TPRG1: variants seen among roughly 807,000 people sequenced by gnomAD.
TPRG1 encodes the protein tumor protein p63 regulated 1.
In TPRG1, 29 loss-of-function variants were observed where a neutral mutation model predicts 29.3. The ratio of observed to expected loss-of-function variants is 0.99; its 90% confidence interval spans 0.74 to 1.35. The LOEUF is 1.35. TPRG1 is among the 40% of genes most tolerant of loss of function. TPRG1 has a pLI of 0.00. For missense variants in TPRG1, 327 were observed against 335.0 expected (o/e 0.98, Z 0.19); for synonymous variants, 130 against 116.8 (o/e 1.11, Z -0.73).
At chr3:189,178,838 A>G (rs1729840103) in intron 1 of TPRG1, among the ~76,000 whole-genome samples, 1 of 152,222 alleles carries the variant, frequency 6.6e-6, no homozygotes, top group African/African-American at 2.4e-5. Context: ...CATTTTATAA[A>G]TCTCAGGAAA....
intron 4 of TPRG1, among the ~76,000 whole-genome samples, chr3:189,088,915 A>C (rs75298782): frequency 0.024 from 3,610 of 152,250 alleles, 59 homozygotes; most frequent in Non-Finnish European, 0.035. Flanking sequence ...TCCAAGCCCT[A>C]ATGCTCTTCC....
chr3:189,254,286 C>A (rs1185023721), intron 4 of TPRG1, among the ~76,000 whole-genome samples: 1 of 152,096 alleles, frequency 6.6e-6, no homozygotes, highest in Non-Finnish European at 1.5e-5. Context: ...GAATCCTTTC[C>A]CCATTGCTTG....
intron 4 of TPRG1, among the ~76,000 whole-genome samples, chr3:189,041,510 T>C (rs1438460509): frequency 6.6e-6 from 1 of 152,128 alleles, no homozygotes; most frequent in Non-Finnish European, 1.5e-5. Context: ...GCACTCAATG[T>C]GTGGGAGATA....
intron 4 of TPRG1, among the ~76,000 whole-genome samples, chr3:189,034,182 A>G (rs1714116936): frequency 6.6e-6 from 1 of 152,200 alleles, no homozygotes; most frequent in Admixed American, 6.5e-5. Flanking sequence ...AGTTTTGTAA[A>G]TGGAAACACA....
intron 4 of TPRG1, among the ~76,000 whole-genome samples, chr3:189,309,148 C>A (rs1269496076): frequency 1.4e-5 from 2 of 146,348 alleles, no homozygotes; most frequent in Admixed American, 7.0e-5. Flanking sequence ...CAAATATAAT[C>A]ATCAAAAATC....
intron 5 of TPRG1, among the ~76,000 whole-genome samples, chr3:189,312,291 T>C (rs1047977726): frequency 1.3e-5 from 2 of 151,050 alleles, no homozygotes; most frequent in Admixed American, 1.3e-4. Context: ...AAGCTCCGCC[T>C]CCCGGGTTCA....
Position 189,256,002 on chromosome 3 carries a change from C to G in TPRG1, c.479+17093C>G, listed in dbSNP as rs150580335. Among the ~76,000 whole-genome samples, 413 of 151,914 alleles carry G rather than the reference C, an allele frequency of 2.7e-3. 4 individuals carry two copies. The highest frequency in any genetic ancestry group is 0.017 in the Middle Eastern group (5 of 292). On this transcript the variant is annotated intron_variant, in intron 4 of 5. Coordinates refer to ENST00000345063, the MANE Select transcript of TPRG1 (RefSeq NM_198485.4). ...TGATGTTTTAAAGGGTTTTTTGTGT[C>G]TCTATCTCCTTCAGTTCTGCTCTGA...
At chr3:189,024,392 C>A (rs1322180118) in intron 4 of TPRG1, among the ~76,000 whole-genome samples, 1 of 152,060 alleles carries the variant, frequency 6.6e-6, no homozygotes, top group East Asian at 1.9e-4. Context: ...AAGGTAGTAG[C>A]CTGCCCCTCT....
At chr3:189,164,968 A>T (rs1009508786) in intron 5 of TPRG1, among the ~76,000 whole-genome samples, 2 of 152,074 alleles carry the variant, frequency 1.3e-5, no homozygotes, top group Non-Finnish European at 2.9e-5. Context: ...TCCTTCACAA[A>T]AACCTCCACG....
intron 1 of TPRG1, among the ~76,000 whole-genome samples, chr3:189,195,102 G>T (rs79141662): frequency 9.5e-4 from 145 of 152,188 alleles, no homozygotes; most frequent in Non-Finnish European, 1.5e-3. Context: ...GATTCCCTAG[G>T]GGGTGATATG....
At chr3:189,133,606 C>A (rs1325454997) in intron 3 of TPRG1, among the ~76,000 whole-genome samples, 1 of 152,162 alleles carries the variant, frequency 6.6e-6, no homozygotes. Context: ...TCTCCTCTGC[C>A]ATGATTGTGA....
At chr3:189,048,401 G>A (rs1715103146) in intron 4 of TPRG1, among the ~76,000 whole-genome samples, 1 of 152,182 alleles carries the variant, frequency 6.6e-6, no homozygotes, top group African/African-American at 2.4e-5. Context: ...CACAGTCTGA[G>A]TAGATTTATC....
At chr3:189,268,702 A>G (rs1714552694) in intron 4 of TPRG1, among the ~76,000 whole-genome samples, 1 of 152,244 alleles carries the variant, frequency 6.6e-6, no homozygotes, top group African/African-American at 2.4e-5. Flanking sequence ...CTTCTAGGGA[A>G]GGGCTCCTAG....
chr3:189,150,456 C>T (rs904492645), intron 4 of TPRG1, among the ~76,000 whole-genome samples: 2 of 152,134 alleles, frequency 1.3e-5, no homozygotes, highest in Middle Eastern at 3.2e-3. Context: ...GCTGGGATTA[C>T]AGGCATGAGC....
chr3:189,217,870 A>G, intron 3 of TPRG1: 1 of 985,398 alleles, frequency 1.0e-6, no homozygotes. Flanking sequence ...TTGTTTGAAA[A>G]TTCTAGCACA....
chr3:189,269,890 T>C (rs1042276034), intron 4 of TPRG1, among the ~76,000 whole-genome samples: 5 of 152,190 alleles, frequency 3.3e-5, no homozygotes, highest in African/African-American at 1.2e-4. Flanking sequence ...GTTCTTTTTA[T>C]GTCACCAGGA....
At chr3:189,209,198 T>C (rs1734875019) in intron 2 of TPRG1, among the ~76,000 whole-genome samples, 1 of 152,186 alleles carries the variant, frequency 6.6e-6, no homozygotes, top group Non-Finnish European at 1.5e-5. Context: ...CTGACTGTGA[T>C]GGAAGGAGAC....
chr3:189,311,879 G>C (rs1395607876), intron 5 of TPRG1, among the ~76,000 whole-genome samples: 1 of 152,014 alleles, frequency 6.6e-6, no homozygotes, highest in Non-Finnish European at 1.5e-5. Context: ...CTATTTGAAG[G>C]CAAGAATATG....
intron 4 of TPRG1, among the ~76,000 whole-genome samples, chr3:189,033,260 C>A (rs531100331): frequency 6.6e-6 from 1 of 151,286 alleles, no homozygotes. Context: ...AGAACAGCTA[C>A]GCAGAGTCAT....
Sources: allele counts gnomAD v4.1 joint callset (sites outside exome capture counted in the v4.1 genomes callset), GRCh38; gene constraint gnomAD v4.1.1; transcripts MANE v1.5; gene names NCBI Gene and HGNC (gene_info 2026-07-23, HGNC 2026-07-21).